GABRB2: variants seen among roughly 807,000 people sequenced by gnomAD.
GABRB2 encodes the protein gamma-aminobutyric acid type A receptor subunit beta2, also known as gamma-aminobutyric acid receptor subunit beta-2.
A neutral mutation model predicts 54.7 loss-of-function variants in GABRB2; 16 were observed. The observed-to-expected ratio is 0.29, with a 90% CI of 0.20 to 0.44. The LOEUF (loss-of-function observed/expected upper bound fraction) is 0.44, where lower values mean the gene tolerates loss of function less well. Among genes scored for constraint, GABRB2 ranks in the 20% least tolerant of loss-of-function variants. GABRB2 has a pLI of 1.00. For synonymous variants in GABRB2, 244 were observed against 233.8 expected (o/e 1.04, Z -0.40); for missense variants, 355 against 644.0 (o/e 0.55, Z 4.86).
intron 3 of GABRB2, among the ~76,000 whole-genome samples, chr5:161,466,050 A>G (rs892000073): frequency 9.9e-5 from 15 of 151,840 alleles, no homozygotes; most frequent in African/African-American, 3.6e-4. Context: ...CAGTTCCTCA[A>G]TGTTTCCATG....
At chr5:161,362,694 AC>A (rs1404698509) in intron 5 of GABRB2, among the ~76,000 whole-genome samples, 5 of 152,284 alleles carry the variant, frequency 3.3e-5, no homozygotes, top group Admixed American at 2.0e-4. Flanking sequence ...GGAAAAAACA[AC>A]CCCATCAAAA....
chr5:161,537,994 C>T (rs984613522), intron 3 of GABRB2, among the ~76,000 whole-genome samples: 1 of 151,928 alleles, frequency 6.6e-6, no homozygotes, highest in Non-Finnish European at 1.5e-5. Context: ...TCACCTGACT[C>T]GTTTCCATGT....
intron 4 of GABRB2, 136 bp downstream of exon 4, chr5:161,459,488 C>G (rs1157197902): frequency 1.4e-6 from 1 of 731,388 alleles, no homozygotes; most frequent in Non-Finnish European, 2.4e-6. Context: ...TCTCAAATGT[C>G]TAGTGGATAG....
chr5:161,291,133 CAA>C lies in GABRB2; in HGVS notation c.*2946_*2947del, dbSNP rs1491570749. On this transcript the variant is annotated 3_prime_UTR_variant, in exon 10 of 10. Transcript: ENST00000393959. ...TTTCATACCTACTAGCGGTCATGTA[CAA>C]TATATATATATACAGATTGAGATCA... The C allele has an allele frequency of 6.6e-6, 1 of 152,272 alleles. No individual in the cohort carries two copies. Among genetic ancestry groups the C allele is most frequent in the Admixed American group, 6.6e-5 (1 of 15,244 alleles). The allele number at this position is 152,272 out of a possible 1,614,324, so 9.4% of individuals were successfully genotyped here. A position where few individuals can be genotyped will look rare whatever the true frequency, so the allele number is the denominator to read the frequency against.
chr5:161,294,550 C>A, intron 9 of GABRB2, 122 bp from the exon 10 acceptor site: 1 of 739,448 alleles, frequency 1.4e-6, no homozygotes. Flanking sequence ...GCTACCTTTG[C>A]GATTACATTA....
chr5:161,304,621 T>A (rs944164027), intron 9 of GABRB2, among the ~76,000 whole-genome samples: 4 of 152,204 alleles, frequency 2.6e-5, no homozygotes, highest in Non-Finnish European at 5.9e-5. Flanking sequence ...GGTTCCTTTC[T>A]ATATATCTGT....
rs910425010 is a variant in GABRB2, at chr5:161,379,304, G to C, written c.541+31671C>G. Among the ~76,000 whole-genome samples the C allele has an allele frequency of 3.3e-5, 5 of 152,198 alleles. No homozygotes were observed. In the South Asian group the frequency reaches 8.3e-4, roughly 25 times the overall value. On this transcript the variant is annotated intron_variant, in intron 5 of 9. Transcript: ENST00000393959. ...TGTGGACATTGATACTCATTTTCATGATGTGGAGCTTACAATGAGATGCAA... is the reference window on the plus strand; with the variant it reads ...TGTGGACATTGATACTCATTTTCATCATGTGGAGCTTACAATGAGATGCAA...
chr5:161,428,233 G>A lies in GABRB2; in HGVS notation c.459-17176C>T, dbSNP rs184790287. On this transcript the variant is annotated intron_variant, in intron 4 of 9. Transcript: ENST00000393959. ...GAATTAGACAGGATACATATAGACAGTAAAATGGTTACTACAGTGAAGCAA... is the reference window on the plus strand; with the variant it reads ...GAATTAGACAGGATACATATAGACAATAAAATGGTTACTACAGTGAAGCAA... Among the ~76,000 whole-genome samples the A allele has an allele frequency of 6.1e-4, 93 of 151,956 alleles. 1 individual carries two copies. The East Asian group carries it at 0.014, about 22-fold the overall frequency.
At chr5:161,372,894 T>C (rs1226141696) in intron 5 of GABRB2, among the ~76,000 whole-genome samples, 1 of 152,192 alleles carries the variant, frequency 6.6e-6, no homozygotes, top group Non-Finnish European at 1.5e-5. Context: ...CACTAAGCTC[T>C]CCTGCATTAA....
chr5:161,331,027 C>A lies in GABRB2; in HGVS notation c.933G>T (p.Gly311=), dbSNP rs1276507834. The A allele has an allele frequency of 6.2e-7, 1 of 1,614,076 alleles. No individual in the cohort carries two copies. Among genetic ancestry groups the A allele is most frequent in the Non-Finnish European group, 8.5e-7 (1 of 1,180,002 alleles). Reference sequence around the variant, plus strand: ...GGGCCATGAAAACGAAGACAAAGCACCCCATCAGGTACATGTCAATGGCCT... The same window carrying A: ...GGGCCATGAAAACGAAGACAAAGCAACCCATCAGGTACATGTCAATGGCCT... ...YVKAIDMYLM[G]CFVFVFMALL... The change falls in exon 8 of 10, where the codon GGG becomes GGT. Residue 311 remains glycine, a synonymous_variant. Coordinates refer to ENST00000393959, the MANE Select transcript of GABRB2 (RefSeq NM_001371727.1).
intron 4 of GABRB2, among the ~76,000 whole-genome samples, chr5:161,412,145 G>T (rs1756531929): frequency 1.3e-5 from 2 of 152,138 alleles, no homozygotes; most frequent in Admixed American, 1.3e-4. Context: ...TATTTAAAAA[G>T]TCTTGGACAA....
At chr5:161,502,846 A>G (rs1197516567) in intron 3 of GABRB2, among the ~76,000 whole-genome samples, 1 of 152,354 alleles carries the variant, frequency 6.6e-6, no homozygotes, top group African/African-American at 2.4e-5. Context: ...AGAAGAAACT[A>G]CAGAAATCTC....
chr5:161,344,245 C>T (rs1407726671), intron 5 of GABRB2, among the ~76,000 whole-genome samples: 1 of 152,062 alleles, frequency 6.6e-6, no homozygotes, highest in Non-Finnish European at 1.5e-5. Context: ...CTGATGCTGT[C>T]TCTATTCAGG....
intron 6 of GABRB2, among the ~76,000 whole-genome samples, chr5:161,335,853 T>C (rs904855649): frequency 6.6e-6 from 1 of 152,164 alleles, no homozygotes; most frequent in African/African-American, 2.4e-5. Flanking sequence ...CTGAAGTGGT[T>C]TGTAGGCACA....
intron 5 of GABRB2, among the ~76,000 whole-genome samples, chr5:161,409,696 T>G (rs1446841901): frequency 6.6e-6 from 1 of 152,150 alleles, no homozygotes; most frequent in Admixed American, 6.6e-5. Flanking sequence ...CAGCATATTC[T>G]TACATCAACA....
At chr5:161,467,845 G>T (rs558449898) in intron 3 of GABRB2, among the ~76,000 whole-genome samples, 2 of 152,082 alleles carry the variant, frequency 1.3e-5, no homozygotes, top group East Asian at 1.9e-4. Flanking sequence ...TTAGTTATGT[G>T]TATAAAGTCA....
intron 5 of GABRB2, among the ~76,000 whole-genome samples, chr5:161,407,587 G>T (rs1756384392): frequency 6.6e-6 from 1 of 151,970 alleles, no homozygotes; most frequent in Admixed American, 6.6e-5. Context: ...GTAGGCTTGG[G>T]CATAACTTTG....
intron 3 of GABRB2, among the ~76,000 whole-genome samples, chr5:161,540,576 GT>G (rs921090430): frequency 1.3e-5 from 2 of 152,182 alleles, no homozygotes; most frequent in African/African-American, 4.8e-5. Context: ...TTTCCAGAAG[GT>G]TTTCAATACT....
At chr5:161,361,372 C>T (rs1754804109) in intron 5 of GABRB2, among the ~76,000 whole-genome samples, 2 of 151,680 alleles carry the variant, frequency 1.3e-5, no homozygotes, top group Admixed American at 6.6e-5. Flanking sequence ...AGAAATAATC[C>T]TTATCTTTTG....
Sources: allele counts gnomAD v4.1 joint callset (sites outside exome capture counted in the v4.1 genomes callset), GRCh38; gene constraint gnomAD v4.1.1; transcripts MANE v1.5; gene names NCBI Gene and HGNC (gene_info 2026-07-23, HGNC 2026-07-21).